Variants in ULK4 observed in about 807,000 individuals in gnomAD.
The protein encoded by ULK4 is unc-51 like kinase 4.
In ULK4, 133 loss-of-function variants were observed where a neutral mutation model predicts 160.6. That is an observed-to-expected ratio of 0.83 (90% CI 0.72 to 0.96). The LOEUF is 0.96. Among genes scored for constraint, ULK4 ranks in the 40% least tolerant of loss-of-function variants. ULK4 has a pLI of 0.00. For synonymous variants in ULK4, 534 were observed against 539.8 expected, an observed-to-expected ratio of 0.99 and a Z score of 0.15; for missense variants, 1,580 against 1,499.5, an observed-to-expected ratio of 1.05 and a Z score of -0.89.
Position 41,736,269 on chromosome 3 carries a change from T to C in ULK4, c.2321+18092A>G, listed in dbSNP as rs1200333519. Among the ~76,000 whole-genome samples the C allele has an allele frequency of 4.0e-5, 6 of 151,812 alleles. No homozygotes were observed. The East Asian group carries it at 1.2e-3, about 29-fold the overall frequency. On this transcript the variant is annotated intron_variant, in intron 22 of 36. Transcript: ENST00000301831. ...CTAGATCACTGAGGAATCGCCACACTGACTTCCACAATGGTTGAACTAGTT... is the reference window on the plus strand; with the variant it reads ...CTAGATCACTGAGGAATCGCCACACCGACTTCCACAATGGTTGAACTAGTT...
chr3:41,598,571 G>A (rs560664451), intron 31 of ULK4, among the ~76,000 whole-genome samples: 67 of 152,246 alleles, frequency 4.4e-4, no homozygotes, highest in Non-Finnish European at 8.1e-4. Flanking sequence ...TGTGGGAACA[G>A]CATTAGAAAA....
Position 41,246,993 on chromosome 3 carries a change from C to A in ULK4, c.3765-1G>T, listed in dbSNP as rs1259237192. The stretch of plus-strand genomic sequence containing the variant: ...AGCCACCGCACTGTCGGCAAATGAA[C>A]TGTAAGAAAAACCAAAGTAGGTACA... On this transcript the variant is annotated splice_acceptor_variant, in intron 36 of 36. Transcript: ENST00000301831. LOFTEE classifies it high-confidence loss of function. The A allele has an allele frequency of 6.2e-7, 1 of 1,613,706 alleles. No homozygotes were observed.
At chr3:41,386,919 G>A (rs2081826608) in intron 35 of ULK4, among the ~76,000 whole-genome samples, 1 of 152,096 alleles carries the variant, frequency 6.6e-6, no homozygotes, top group South Asian at 2.1e-4. Flanking sequence ...GGCTCTTGAG[G>A]TGGACTATCA....
intron 17 of ULK4, among the ~76,000 whole-genome samples, chr3:41,837,338 G>T (rs1392270766): frequency 6.6e-6 from 1 of 152,016 alleles, no homozygotes; most frequent in Non-Finnish European, 1.5e-5. Context: ...GATAACAAAA[G>T]CCCTCCAGTG....
At chr3:41,939,593 T>C (rs1699887175) in intron 2 of ULK4, among the ~76,000 whole-genome samples, 1 of 152,064 alleles carries the variant, frequency 6.6e-6, no homozygotes, top group Non-Finnish European at 1.5e-5. Context: ...GATTCTACAA[T>C]CTACTTTTAA....
At chr3:41,551,749 T>C (rs1015294874) in intron 32 of ULK4, among the ~76,000 whole-genome samples, 2 of 151,772 alleles carry the variant, frequency 1.3e-5, no homozygotes, top group Non-Finnish European at 2.9e-5. Context: ...AAAAAGAAGA[T>C]AATTACCCCC....
chr3:41,282,437 G>T (rs1196685625), intron 35 of ULK4, among the ~76,000 whole-genome samples: 1 of 152,118 alleles, frequency 6.6e-6, no homozygotes, highest in African/African-American at 2.4e-5. Flanking sequence ...GCATGGTACT[G>T]GTACCAAAAC....
At chr3:41,307,604 A>AT (rs1166591566) in intron 35 of ULK4, among the ~76,000 whole-genome samples, 1 of 152,118 alleles carries the variant, frequency 6.6e-6, no homozygotes, top group Non-Finnish European at 1.5e-5. Context: ...AGGCAGGAGG[A>AT]TTCCTTGAGC....
intron 35 of ULK4, among the ~76,000 whole-genome samples, chr3:41,397,390 C>T (rs2082085282): frequency 6.6e-6 from 1 of 152,078 alleles, no homozygotes; most frequent in African/African-American, 2.4e-5. Flanking sequence ...TAATAACTAA[C>T]TACACATTGA....
chr3:41,882,117 C>A, intron 17 of ULK4: 1 of 686,008 alleles, frequency 1.5e-6, no homozygotes, highest in African/African-American at 1.8e-5. Flanking sequence ...GCAAAACACA[C>A]CATCTTCCAG....
Position 41,911,629 on chromosome 3 carries a change from T to G in ULK4, c.927A>C (p.Gln309His), listed in dbSNP as rs768637983. The G allele has an allele frequency of 6.2e-7, 1 of 1,613,788 alleles. No homozygotes were observed. The highest frequency in any genetic ancestry group is 1.3e-5 in the African/African-American group (1 of 74,944). The change falls in exon 10 of 37, where the codon CAA becomes CAC. Residue 309 changes from glutamine (Q) to histidine (H), a missense_variant. Transcript: ENST00000301831. ...SRNTMECSGP[Q>H]DSKELLQNSQ... ...AGTTCTGCAAAAGCTCCTTGGAATCTTGTGGCCCAGAACACTCCATAGTGT... is the reference window on the plus strand; with the variant it reads ...AGTTCTGCAAAAGCTCCTTGGAATCGTGTGGCCCAGAACACTCCATAGTGT...
rs1575928314 is a variant in ULK4 at position 41,908,353 on chromosome 3, T to C, written c.1086-412A>G. Among the ~76,000 whole-genome samples, 4 of 152,274 alleles carry C rather than the reference T, an allele frequency of 2.6e-5. No homozygotes were observed. The East Asian group carries it at 7.7e-4, about 29-fold the overall frequency. ...TAAGTAACAAGGGAGTTACAATCCA[T>C]ACCTATTTGTAATGATTCTTCCTAC... On this transcript the variant is annotated intron_variant, in intron 11 of 36. Coordinates refer to ENST00000301831, the MANE Select transcript of ULK4 (RefSeq NM_017886.4).
intron 17 of ULK4, among the ~76,000 whole-genome samples, chr3:41,853,919 G>A (rs2042273849): frequency 1.3e-5 from 2 of 152,118 alleles, no homozygotes; most frequent in African/African-American, 4.8e-5. Flanking sequence ...ACATGCATGT[G>A]ACCCCCCTTC....
rs962336604 is a variant in ULK4 at position 41,260,505 on chromosome 3, C to T, written c.3679-10931G>A. ...TGGCCTCCAGCTGCCTCACAGCATC[C>T]GTGCCTTCCCTGGAGTCCATTTGGA... On this transcript the variant is annotated intron_variant, in intron 35 of 36. Coordinates refer to ENST00000301831, the MANE Select transcript of ULK4 (RefSeq NM_017886.4). 2.0e-4 allele frequency among the ~76,000 whole-genome samples: 31 copies of T among 152,236 alleles called. 1 individual carries two copies. The highest frequency in any genetic ancestry group is 1.8e-3 in the Admixed American group (27 of 15,290).
intron 21 of ULK4, among the ~76,000 whole-genome samples, chr3:41,756,538 G>A (rs1316370616): frequency 6.6e-6 from 1 of 152,132 alleles, no homozygotes. Flanking sequence ...AAAAAAGGAA[G>A]ATGAGAACAT....
intron 35 of ULK4, among the ~76,000 whole-genome samples, chr3:41,352,344 C>T (rs1173190323): frequency 6.6e-6 from 1 of 152,130 alleles, no homozygotes; most frequent in Non-Finnish European, 1.5e-5. Flanking sequence ...ACGGCTTCCC[C>T]CTCCTTTATC....
chr3:41,783,622 C>G (rs1288326121), intron 21 of ULK4, among the ~76,000 whole-genome samples: 1 of 152,056 alleles, frequency 6.6e-6, no homozygotes, highest in Non-Finnish European at 1.5e-5. Context: ...AATCCTCTAG[C>G]CACAGCCTCC....
intron 30 of ULK4, among the ~76,000 whole-genome samples, chr3:41,630,409 T>C (rs183709250): frequency 1.8e-4 from 27 of 152,270 alleles, no homozygotes; most frequent in Admixed American, 9.2e-4. Flanking sequence ...GAGCCACACA[T>C]ATCCCTTACT....
chr3:41,950,778 A>G (rs1194648594), intron 2 of ULK4, among the ~76,000 whole-genome samples: 1 of 152,150 alleles, frequency 6.6e-6, no homozygotes, highest in Non-Finnish European at 1.5e-5. Context: ...AATAAAACAC[A>G]TAGGAATTAA....
Sources: gnomAD v4.1 joint callset for allele counts (sites outside exome capture counted in the v4.1 genomes callset) on GRCh38, gnomAD v4.1.1 for gene constraint, MANE v1.5 for transcripts, NCBI Gene and HGNC (gene_info 2026-07-23, HGNC 2026-07-21) for gene names.